Variants in MCU observed in about 807,000 individuals in gnomAD.
The protein encoded by MCU is mitochondrial calcium uniporter.
Under a neutral mutation model 45.2 loss-of-function variants are expected in MCU, and 12 were observed. The observed-to-expected ratio is 0.27, with a 90% CI of 0.17 to 0.43. The LOEUF is 0.43. Among genes scored for constraint, MCU ranks in the 20% least tolerant of loss-of-function variants. The probability of loss-of-function intolerance (pLI) is 1.00; values close to 1 mark genes in which losing one functional copy is unlikely to be tolerated. For missense variants in MCU, 324 were observed against 436.7 expected (o/e 0.74, Z 2.30); for synonymous variants, 160 against 165.1 (o/e 0.97, Z 0.24).
intron 1 of MCU, among the ~76,000 whole-genome samples, chr10:72,808,709 G>A (rs1408627392): frequency 1.3e-5 from 2 of 152,220 alleles, no homozygotes; most frequent in African/African-American, 4.8e-5. Flanking sequence ...ATGGCTGGGA[G>A]GCGGAATCAT....
intron 1 of MCU, among the ~76,000 whole-genome samples, chr10:72,799,652 G>T (rs1156800960): frequency 9.9e-5 from 15 of 151,704 alleles, no homozygotes; most frequent in Admixed American, 8.5e-4. Flanking sequence ...GAATTTTTGG[G>T]GCTAAGAGTT....
intron 1 of MCU, among the ~76,000 whole-genome samples, chr10:72,728,633 A>G (rs1337838456): frequency 6.6e-6 from 1 of 152,194 alleles, no homozygotes; most frequent in Non-Finnish European, 1.5e-5. Context: ...ACAACAGGAA[A>G]GAAGAGCAGG....
chr10:72,852,204 C>G (rs1845217717), intron 2 of MCU, among the ~76,000 whole-genome samples: 1 of 152,162 alleles, frequency 6.6e-6, no homozygotes, highest in Non-Finnish European at 1.5e-5. Context: ...GTTCTGACTT[C>G]AGGAAACAGT....
intron 1 of MCU, among the ~76,000 whole-genome samples, chr10:72,770,326 A>G (rs1475784124): frequency 1.3e-5 from 2 of 151,810 alleles, no homozygotes; most frequent in Non-Finnish European, 2.9e-5. Context: ...TTTTTCCACT[A>G]TTTTTAAAGA....
At chr10:72,735,329 G>A (rs1049350916) in intron 1 of MCU, among the ~76,000 whole-genome samples, 9 of 151,918 alleles carry the variant, frequency 5.9e-5, no homozygotes, top group African/African-American at 1.9e-4. Flanking sequence ...TGATTAAAAC[G>A]TATTAAACAT....
chr10:72,752,794 T>C (rs1191605183), intron 1 of MCU, among the ~76,000 whole-genome samples: 1 of 152,204 alleles, frequency 6.6e-6, no homozygotes, highest in Non-Finnish European at 1.5e-5. Context: ...TTGGAATTTA[T>C]GGTAATAGAA....
chr10:72,716,906 G>A (rs1021476597), intron 1 of MCU, among the ~76,000 whole-genome samples: 1 of 152,030 alleles, frequency 6.6e-6, no homozygotes, highest in African/African-American at 2.4e-5. Context: ...ATTCATGGAA[G>A]AATTATTACA....
intron 2 of MCU, 113 bp downstream of exon 2, chr10:72,834,541 C>A: frequency 1.2e-6 from 1 of 803,952 alleles, no homozygotes; most frequent in South Asian, 2.0e-5. Context: ...TTAAGGTGGG[C>A]TTAGGGGTCA....
intron 1 of MCU, among the ~76,000 whole-genome samples, chr10:72,770,591 G>A (rs545799769): frequency 1.3e-5 from 2 of 152,094 alleles, no homozygotes; most frequent in Admixed American, 6.5e-5. Context: ...GACACCAAGA[G>A]AAATATGGAG....
At chr10:72,721,261 A>G (rs1299299372) in intron 1 of MCU, among the ~76,000 whole-genome samples, 1 of 152,128 alleles carries the variant, frequency 6.6e-6, no homozygotes, top group Non-Finnish European at 1.5e-5. Context: ...GTAAAAGACA[A>G]AGTTCTTCAA....
rs186556392 is a variant in MCU, at chr10:72,880,165, G to A, written c.862-4101G>A. On this transcript the variant is annotated intron_variant, in intron 6 of 7. Transcript: ENST00000373053. Reference sequence around the variant, plus strand: ...TGTCTGGGAATAAGGTAGAAGTACCGCTCCTATTCACCTTTGAAGAGGAGG... The same window carrying A: ...TGTCTGGGAATAAGGTAGAAGTACCACTCCTATTCACCTTTGAAGAGGAGG... Among the ~76,000 whole-genome samples the A allele has an allele frequency of 4.2e-3, 634 of 152,250 alleles. 2 individuals are homozygous for A. The highest frequency in any genetic ancestry group is 0.014 in the Middle Eastern group (4 of 292).
At position 72,859,250 on chromosome 10, in the gene MCU, G is replaced by A. The variant is rs1188977109; in HGVS notation, c.294G>A (p.Gln98=). ...TACCATCCCGGCGTGAACGCTGTCA[G>A]TTCACACTCAAGCCTATCTCTGACT... is the stretch of plus-strand genomic sequence containing the variant. ...VRLPSRRERC[Q]FTLKPISDSV... Residue 98 remains glutamine, a synonymous_variant, in exon 3 of 8, where the codon CAG becomes CAA. Coordinates refer to ENST00000373053, the MANE Select transcript of MCU (RefSeq NM_138357.3). 1.8e-5 allele frequency: 29 copies of A among 1,613,406 alleles called. No individual in the cohort carries two copies. The highest frequency in any genetic ancestry group is 2.4e-5 in the Non-Finnish European group (28 of 1,179,810).
At chr10:72,845,110 G>C (rs912794746) in intron 2 of MCU, among the ~76,000 whole-genome samples, 1 of 152,150 alleles carries the variant, frequency 6.6e-6, no homozygotes, top group Non-Finnish European at 1.5e-5. Context: ...AGGAAAGATT[G>C]TTGGATCAGA....
At chr10:72,693,006 G>A in intron 1 of MCU, 1 of 1,536,174 alleles carries the variant, frequency 6.5e-7, no homozygotes, top group Non-Finnish European at 8.7e-7. Context: ...TACTGTATAA[G>A]CGTGTTCACG....
intron 1 of MCU, among the ~76,000 whole-genome samples, chr10:72,773,012 C>T (rs1019649378): frequency 3.3e-5 from 5 of 152,172 alleles, no homozygotes; most frequent in Non-Finnish European, 7.3e-5. Context: ...AATCCTCTCA[C>T]CTCAGCTTCC....
chr10:72,807,332 A>AT (rs1437704713), intron 1 of MCU, among the ~76,000 whole-genome samples: 1 of 152,166 alleles, frequency 6.6e-6, no homozygotes, highest in Non-Finnish European at 1.5e-5. Flanking sequence ...ATAACATTTT[A>AT]ATGGCTTCCT....
chr10:72,876,621 C>T (rs1223989492), intron 6 of MCU, among the ~76,000 whole-genome samples: 1 of 152,208 alleles, frequency 6.6e-6, no homozygotes, highest in Non-Finnish European at 1.5e-5. Flanking sequence ...ATCCCCATCC[C>T]ACCCTTAACC....
intron 4 of MCU, among the ~76,000 whole-genome samples, chr10:72,861,061 G>A (rs768148147): frequency 6.6e-5 from 10 of 152,034 alleles, no homozygotes. Flanking sequence ...ATCTCACCCT[G>A]TCACCCAGGA....
chr10:72,857,814 A>G (rs1845316280), intron 2 of MCU, among the ~76,000 whole-genome samples: 1 of 152,238 alleles, frequency 6.6e-6, no homozygotes, highest in African/African-American at 2.4e-5. Flanking sequence ...GGGAGAAAAT[A>G]AGGAAATAGG....
Sources: gnomAD v4.1 joint callset for allele counts (sites outside exome capture counted in the v4.1 genomes callset) on GRCh38, gnomAD v4.1.1 for gene constraint, MANE v1.5 for transcripts, NCBI Gene and HGNC (gene_info 2026-07-23, HGNC 2026-07-21) for gene names.